PFAS: variants seen among roughly 807,000 people sequenced by gnomAD.
PFAS encodes the protein phosphoribosylformylglycinamidine synthase.
In PFAS, 97 loss-of-function variants were observed where a neutral mutation model predicts 140.6. The ratio of observed to expected loss-of-function variants is 0.69; its 90% CI spans 0.59 to 0.82. The LOEUF (loss-of-function observed/expected upper bound fraction) is 0.82. PFAS is among the 40% of genes least tolerant of loss of function. The pLI is 0.00. For missense variants in PFAS, 1,656 were observed against 1,780.2 expected, an observed-to-expected ratio of 0.93 and a Z score of 1.26; for synonymous variants, 679 against 718.8, an observed-to-expected ratio of 0.94 and a Z score of 0.88.
At position 8,269,366 on chromosome 17, in the gene PFAS, A is replaced by G. The variant is rs928283423; in HGVS notation, c.*102A>G. 3 of 830,550 alleles carry G rather than the reference A, an allele frequency of 3.6e-6. No individual in the cohort carries two copies. The highest frequency in any genetic ancestry group is 1.7e-5 in the African/African-American group (1 of 58,104). The allele number at this position is 830,550 out of a possible 1,614,324, so 51.4% of individuals were successfully genotyped here. A position where few individuals can be genotyped will look rare whatever the true frequency, so the allele number is the denominator to read the frequency against. On this transcript the variant is annotated 3_prime_UTR_variant, in exon 28 of 28. Coordinates refer to ENST00000314666, the MANE Select transcript of PFAS (RefSeq NM_012393.3). Reference sequence around the variant, plus strand: ...AGCACCCCATATTATTTCCAAAAATATCTTGGACAGACAAGGACCAAAATG... The same window carrying G: ...AGCACCCCATATTATTTCCAAAAATGTCTTGGACAGACAAGGACCAAAATG...
intron 26 of PFAS, 51 bp from the exon 27 acceptor site, chr17:8,268,482 C>T (rs1286961113): frequency 3.6e-6 from 5 of 1,386,878 alleles, no homozygotes; most frequent in Middle Eastern, 2.6e-4. Context: ...TTCCCAATTC[C>T]CTTTTTTGAG....
At chr17:8,265,724 C>A in intron 20 of PFAS, 85 bp downstream of exon 20, 1 of 1,387,988 alleles carries the variant, frequency 7.2e-7, no homozygotes, top group Non-Finnish European at 1.0e-6. Context: ...GCCCCCATCT[C>A]AACACTGGGC....
At chr17:8,256,231 C>T in intron 6 of PFAS, 36 bp from the exon 7 acceptor site, 1 of 1,605,598 alleles carries the variant, frequency 6.2e-7, no homozygotes, top group Non-Finnish European at 8.5e-7. Context: ...GACCCCGTTT[C>T]CACCTGCCTT....
chr17:8,248,323 C>T (rs1419886048), upstream of PFAS, among the ~76,000 whole-genome samples: 1 of 151,442 alleles, frequency 6.6e-6, no homozygotes, highest in African/African-American at 2.4e-5. Context: ...TCACTGCAAC[C>T]CCCGCCTCCC....
intron 11 of PFAS, among the ~76,000 whole-genome samples, chr17:8,260,100 C>CA (rs202218821): frequency 0.26 from 37,438 of 142,350 alleles, 5,146 homozygotes; most frequent in Admixed American, 0.41. Flanking sequence ...GACTCTGTCT[C>CA]AAAAAAAAAA....
At chr17:8,261,226 G>A (rs141689990) in intron 11 of PFAS, among the ~76,000 whole-genome samples, 136 of 151,308 alleles carry the variant, frequency 9.0e-4, no homozygotes, top group African/African-American at 3.1e-3. Context: ...TGTTGAGCGT[G>A]TTTTCTTTCT....
upstream of PFAS, among the ~76,000 whole-genome samples, chr17:8,248,417 T>C: frequency 9.5e-6 from 1 of 105,618 alleles, no homozygotes; most frequent in East Asian, 4.0e-4. Flanking sequence ...CTAATTTTTT[T>C]TTTTTTTTTT....
At chr17:8,252,260 C>T (rs1351784746) in intron 1 of PFAS, among the ~76,000 whole-genome samples, 3 of 151,430 alleles carry the variant, frequency 2.0e-5, no homozygotes, top group African/African-American at 7.3e-5. Flanking sequence ...TGCCACTGCA[C>T]TCCAGCCTGG....
At chr17:8,250,767 G>A (rs1170412900) in intron 1 of PFAS, among the ~76,000 whole-genome samples, 3 of 152,134 alleles carry the variant, frequency 2.0e-5, no homozygotes, top group Non-Finnish European at 4.4e-5. Flanking sequence ...TTTAATCATA[G>A]GGCTGCTGAA....
chr17:8,255,990 C>T (rs1035315553), intron 6 of PFAS, 80 bp downstream of exon 6: 6 of 1,152,196 alleles, frequency 5.2e-6, no homozygotes, highest in South Asian at 1.3e-5. Context: ...TCATGTTCCT[C>T]CCTTGGCTTA....
At position 8,269,503 on chromosome 17, in the gene PFAS, T is replaced by C. The variant is rs564306661; in HGVS notation, c.*239T>C. On this transcript the variant is annotated 3_prime_UTR_variant, in exon 28 of 28. Transcript: ENST00000314666. ...CCCTTTCTCAGCCCAGGAAACAGCA[T>C]GTGGTTCAGAGAAAAGAGCGACAAG... 2.4e-4 allele frequency: 119 copies of C among 495,650 alleles called. 1 individual carries two copies. In the South Asian group the frequency reaches 3.7e-3, roughly 16 times the overall value. The allele number at this position is 495,650 out of a possible 1,614,324, so 30.7% of individuals were successfully genotyped here.
Position 8,255,585 on chromosome 17 carries a change from TC to T in PFAS, c.471del (p.Ile158SerfsTer38). 1 of 1,564,992 alleles carries T rather than the reference TC, an allele frequency of 6.4e-7. No homozygotes were observed. Among genetic ancestry groups the T allele is most frequent in the Non-Finnish European group, 8.6e-7 (1 of 1,159,882 alleles). On this transcript the variant is annotated frameshift_variant, in exon 5 of 28. Transcript: ENST00000314666. LOFTEE classifies it high-confidence loss of function. ...GGATGACAGAGCAGCACTTCCCCCA[TC>T]CCATCCAGAGTTTCTCCCCTGAGAG... ...DRMTEQHFPH[P>X]IQSFSPESMP...
chr17:8,266,075 C>A lies in PFAS; in HGVS notation c.2701+58C>A. ...GGGTGCCAGGCGTGCAGCAGGCGTT[C>A]ACCATCTGAGCAGTGGGGCAAAAGG... On this transcript the variant is annotated intron_variant, in intron 21 of 27. Coordinates refer to ENST00000314666, the MANE Select transcript of PFAS (RefSeq NM_012393.3). The surrounding 1 kb of genome is among the most constrained non-coding windows in gnomAD (Gnocchi z 5.0). The A allele has an allele frequency of 6.5e-7, 1 of 1,546,154 alleles. No individual in the cohort carries two copies. The highest frequency in any genetic ancestry group is 1.2e-5 in the South Asian group (1 of 82,514).
At chr17:8,255,415 T>C in intron 4 of PFAS, 87 bp from the exon 5 acceptor site, 1 of 1,069,844 alleles carries the variant, frequency 9.3e-7, no homozygotes, top group South Asian at 1.6e-5. Context: ...GGGCTAGCCT[T>C]GCATGACTAA....
At chr17:8,247,737 A>C, upstream of PFAS, 1 of 481,142 alleles carries the variant, frequency 2.1e-6, no homozygotes, top group South Asian at 2.5e-5. Context: ...TAGTTCCCCC[A>C]TTAACCTGCT....
At position 8,263,254 on chromosome 17, in the gene PFAS, C is replaced by T. The variant is rs750360217; in HGVS notation, c.1556C>T (p.Ala519Val). The T allele has an allele frequency of 1.9e-6, 3 of 1,614,152 alleles. No homozygotes were observed. The highest frequency in any genetic ancestry group is 2.5e-6 in the Non-Finnish European group (3 of 1,180,030). ...NPICSLHDQG[A>V]GGNGNVLKEL... Reference sequence around the variant, plus strand: ...ATCTGCAGCCTTCATGATCAGGGCGCTGGTGGCAATGGTGAGGAAAGGAGT... The same window carrying T: ...ATCTGCAGCCTTCATGATCAGGGCGTTGGTGGCAATGGTGAGGAAAGGAGT... Residue 519 changes from alanine (A) to valine (V), a missense_variant, in exon 13 of 28, where the codon GCT becomes GTT. Coordinates refer to ENST00000314666, the MANE Select transcript of PFAS (RefSeq NM_012393.3).
In PFAS at chr17:8,269,134, C is replaced by T; in HGVS notation, c.3887C>T (p.Pro1296Leu). The change falls in exon 28 of 28, where the codon CCT (proline) becomes CTT (leucine). Residue 1296 changes from proline (P) to leucine (L), a missense_variant. Around this residue, in one of 2 missense-constraint regions of PFAS, gnomAD observed 883 missense variants for 1,023.0 expected, o/e 0.86. Transcript: ENST00000314666. The stretch of plus-strand genomic sequence containing the variant: ...GATGGCCGCCACCTGGCTGTCATGC[C>T]TCACCCTGAGCGGGCCGTTAGGCCT... ...SCDGRHLAVM[P>L]HPERAVRPWQ... 1 of 1,614,010 alleles carries T rather than the reference C, an allele frequency of 6.2e-7. No homozygotes were observed. The highest frequency in any genetic ancestry group is 1.1e-5 in the South Asian group (1 of 91,088).
Position 8,264,961 on chromosome 17 carries a change from G to A in PFAS, c.2116G>A (p.Ala706Thr). The A allele has an allele frequency of 3.7e-6, 6 of 1,612,080 alleles. No homozygotes were observed. In the South Asian group the frequency reaches 5.5e-5, roughly 15 times the overall value. The change falls in exon 18 of 28, where the codon GCA becomes ACA. Residue 706 changes from alanine (A) to threonine (T), a missense_variant. Transcript: ENST00000314666. ...QCVGPLQTPLADVAVVALSHE... is the reference protein window; with the variant it reads ...QCVGPLQTPLTDVAVVALSHE... The stretch of plus-strand genomic sequence containing the variant: ...CGTGGGGCCCCTGCAAACTCCTCTG[G>A]CAGATGTAGCGGTTGTGGCACTGAG...
rs754063469 is a variant in PFAS at position 8,267,363 on chromosome 17, T to C, written c.3176-9T>C. 1 of 1,612,946 alleles carries C rather than the reference T, an allele frequency of 6.2e-7. No homozygotes were observed. The highest frequency in any genetic ancestry group is 8.5e-7 in the Non-Finnish European group (1 of 1,179,226). ...CTTTCTGGCCCAAAGACACTTATTC[T>C]CCCCCAAGGTGGTCCCAGCCCCCGA... is the stretch of plus-strand genomic sequence containing the variant. On this transcript the variant is annotated splice_polypyrimidine_tract_variant and intron_variant, in intron 24 of 27. Coordinates refer to ENST00000314666, the MANE Select transcript of PFAS (RefSeq NM_012393.3). This position sits in a 1 kb window ranked among gnomAD's most constrained non-coding sequence, Gnocchi z 4.9.
Sources: allele counts gnomAD v4.1 joint callset (sites outside exome capture counted in the v4.1 genomes callset), GRCh38; gene constraint gnomAD v4.1.1; regional missense constraint gnomAD v4.1.1; non-coding constraint Gnocchi (gnomAD v3.1); transcripts MANE v1.5; gene names NCBI Gene and HGNC (gene_info 2026-07-23, HGNC 2026-07-21).